CLASP1: variants seen among roughly 807,000 people sequenced by gnomAD.
The protein encoded by CLASP1 is cytoplasmic linker associated protein 1.
In CLASP1, 38 loss-of-function variants were observed where a neutral mutation model predicts 192.3. That is an observed-to-expected ratio of 0.20 (90% CI 0.15 to 0.26). CLASP1 has a LOEUF of 0.26. Ranked by LOEUF, CLASP1 falls within the 10% of genes least tolerant of loss-of-function variation. The probability of loss-of-function intolerance (pLI) is 1.00; values close to 1 mark genes in which losing one functional copy is unlikely to be tolerated. For missense variants in CLASP1, 1,433 were observed against 1,932.5 expected (o/e 0.74, Z 4.85); for synonymous variants, 691 against 712.8 (o/e 0.97, Z 0.49).
At chr2:121,347,010 G>A (rs376303062) in intron 39 of CLASP1, 28 bp downstream of exon 40, 23 of 1,377,258 alleles carry the variant, frequency 1.7e-5, no homozygotes, top group African/African-American at 1.4e-4. Context: ...CCAGGTGTGC[G>A]TATCAGCCCA....
chr2:121,417,488 T>C (rs560741043), intron 23 of CLASP1, among the ~76,000 whole-genome samples: 1 of 152,192 alleles, frequency 6.6e-6, no homozygotes, highest in East Asian at 1.9e-4. Context: ...CCTCTGATTA[T>C]TGAGAATTCT....
At chr2:121,553,871 T>C (rs2058270517) in intron 2 of CLASP1, among the ~76,000 whole-genome samples, 1 of 152,208 alleles carries the variant, frequency 6.6e-6, no homozygotes, top group East Asian at 1.9e-4. Flanking sequence ...CAAATGTCCA[T>C]CAAATTATGA....
At chr2:121,458,933 A>C in exon 13 of CLASP1, 1 of 1,612,902 alleles carries the variant, frequency 6.2e-7, no homozygotes, top group Non-Finnish European at 8.5e-7. Context: ...TAATGGCTTC[A>C]GCTCCATGGT....
At chr2:121,438,414 T>C (rs1361832112) in intron 19 of CLASP1, among the ~76,000 whole-genome samples, 1 of 152,140 alleles carries the variant, frequency 6.6e-6, no homozygotes, top group African/African-American at 2.4e-5. Flanking sequence ...GGATTTTTTG[T>C]GTTGTTTTGT....
chr2:121,531,649 CAGG>C (rs1418828792), intron 2 of CLASP1, among the ~76,000 whole-genome samples: 1 of 148,934 alleles, frequency 6.7e-6, no homozygotes, highest in African/African-American at 2.5e-5. Context: ...GCGGGCGGAT[CAGG>C]AGCTCAGGAG....
chr2:121,480,795 T>C (rs1464948236), intron 8 of CLASP1, among the ~76,000 whole-genome samples: 1 of 152,210 alleles, frequency 6.6e-6, no homozygotes, highest in African/African-American at 2.4e-5. Flanking sequence ...ATCAGGGCTC[T>C]CCCAACCCAT....
At chr2:121,575,113 A>G (rs749792400) in intron 2 of CLASP1, among the ~76,000 whole-genome samples, 7 of 151,968 alleles carry the variant, frequency 4.6e-5, no homozygotes, top group Non-Finnish European at 8.8e-5. Context: ...TTAAAAATAC[A>G]TTTCTTTTTT....
At chr2:121,389,800 A>G (rs1014796862) in intron 30 of CLASP1, among the ~76,000 whole-genome samples, 4 of 152,234 alleles carry the variant, frequency 2.6e-5, no homozygotes, top group Admixed American at 6.5e-5. Context: ...GTGTTTCCAA[A>G]GTAAAATCTT....
rs1011760250 is a variant in CLASP1 at position 121,467,269 on chromosome 2, T to C, written c.865+2539A>G. 3.3e-5 allele frequency among the ~76,000 whole-genome samples: 5 copies of C among 152,236 alleles called. No individual in the cohort carries two copies. In the East Asian group the frequency reaches 9.6e-4, roughly 29 times the overall value. ...ATTGTGAATAGTGCTGGGATGAACA[T>C]ATGCATACATGTATCTTTATAACAG... On this transcript the variant is annotated intron_variant, in intron 9 of 39. Transcript: ENST00000263710.
At chr2:121,586,197 G>A (rs1265434434) in intron 2 of CLASP1, among the ~76,000 whole-genome samples, 1 of 151,852 alleles carries the variant, frequency 6.6e-6, no homozygotes, top group Non-Finnish European at 1.5e-5. Flanking sequence ...GCATGATCTC[G>A]GCTCACTGCA....
At chr2:121,530,979 T>TA (rs2094804923) in intron 2 of CLASP1, 1 of 700,432 alleles carries the variant, frequency 1.4e-6, no homozygotes, top group South Asian at 1.5e-5. Flanking sequence ...CTAGAGCTTT[T>TA]GCTTTATTTT....
At chr2:121,478,678 A>C (rs1329349996) in intron 8 of CLASP1, among the ~76,000 whole-genome samples, 1 of 79,694 alleles carries the variant, frequency 1.3e-5, no homozygotes. Flanking sequence ...CACACACCAC[A>C]CACACACCCC....
intron 1 of CLASP1, among the ~76,000 whole-genome samples, chr2:121,628,936 G>A (rs535559806): frequency 2.2e-4 from 33 of 148,232 alleles, no homozygotes; most frequent in Non-Finnish European, 3.4e-4. Flanking sequence ...GTTGTTCACT[G>A]CAGCTGGTCA....
intron 24 of CLASP1, among the ~76,000 whole-genome samples, chr2:121,409,335 A>T (rs557744264): frequency 6.6e-6 from 1 of 152,332 alleles, no homozygotes; most frequent in Admixed American, 6.5e-5. Flanking sequence ...GTCACCATTA[A>T]TTCTACTATC....
At chr2:121,583,876 A>T (rs948343280) in intron 2 of CLASP1, among the ~76,000 whole-genome samples, 1 of 152,010 alleles carries the variant, frequency 6.6e-6, no homozygotes, top group Non-Finnish European at 1.5e-5. Flanking sequence ...TGAAAGTGTT[A>T]GGGTCTTTTC....
chr2:121,488,049 C>A (rs985798759), intron 8 of CLASP1, among the ~76,000 whole-genome samples: 2 of 152,156 alleles, frequency 1.3e-5, no homozygotes, highest in Non-Finnish European at 2.9e-5. Context: ...TCCTTACTTT[C>A]TGGCCCTGCG....
Position 121,362,228 on chromosome 2 carries a change from T to C in CLASP1, c.4206+944A>G, listed in dbSNP as rs79438883. Among the ~76,000 whole-genome samples the C allele has an allele frequency of 7.0e-3, 1,065 of 152,352 alleles. 9 individuals are homozygous for C. Among genetic ancestry groups the C allele is most frequent in the Middle Eastern group, 0.061 (18 of 294 alleles). ...CTAAGTTTTCTGAAGTTCCAATATA[T>C]GAGTTTGTTTCCCACAGTTCCTTTT... On this transcript the variant is annotated intron_variant, in intron 37 of 39. Transcript: ENST00000263710.
intron 19 of CLASP1, among the ~76,000 whole-genome samples, chr2:121,446,875 A>G (rs75644253): frequency 0.014 from 2,060 of 152,156 alleles, 41 homozygotes; most frequent in African/African-American, 0.046. Context: ...ATTCCCCACA[A>G]CCCAACCCGA....
intron 8 of CLASP1, among the ~76,000 whole-genome samples, chr2:121,471,564 T>C (rs937130413): frequency 3.9e-5 from 6 of 152,028 alleles, no homozygotes; most frequent in Admixed American, 1.3e-4. Flanking sequence ...AGTTGCTTCT[T>C]AAGCTAAATT....
Sources: allele counts gnomAD v4.1 joint callset (sites outside exome capture counted in the v4.1 genomes callset), GRCh38; gene constraint gnomAD v4.1.1; transcripts MANE v1.5; gene names NCBI Gene and HGNC (gene_info 2026-07-23, HGNC 2026-07-21).